Variants in GTF2H3 observed in about 807,000 individuals in gnomAD.
GTF2H3 encodes general transcription factor IIH subunit 3.
A neutral mutation model predicts 51.1 loss-of-function variants in GTF2H3; 42 were observed. That is an observed-to-expected ratio of 0.82 (90% confidence interval 0.64 to 1.06). The LOEUF (loss-of-function observed/expected upper bound fraction) is 1.06, where lower values mean the gene tolerates loss of function less well. GTF2H3 is among the 50% of genes least tolerant of loss of function. The pLI, the probability that GTF2H3 is intolerant of heterozygous loss-of-function variation, is 0.00. For synonymous variants in GTF2H3, 123 were observed against 123.8 expected, an observed-to-expected ratio of 0.99 and a Z score of 0.04; for missense variants, 326 against 366.1, an observed-to-expected ratio of 0.89 and a Z score of 0.89.
chr12:123,636,936 T>A (rs1955293420), intron 1 of GTF2H3, among the ~76,000 whole-genome samples: 1 of 151,540 alleles, frequency 6.6e-6, no homozygotes, highest in African/African-American at 2.4e-5. Context: ...AAAATAATAA[T>A]TAGCTGGATG....
chr12:123,651,807 G>T (rs1273669490), intron 5 of GTF2H3, among the ~76,000 whole-genome samples: 3 of 148,182 alleles, frequency 2.0e-5, no homozygotes, highest in Non-Finnish European at 4.5e-5. Context: ...GCGACAAAGC[G>T]AGACTACATC....
chr12:123,650,921 A>C (rs917795486), intron 4 of GTF2H3, 73 bp from the exon 5 acceptor site: 5 of 930,654 alleles, frequency 5.4e-6, no homozygotes, highest in African/African-American at 4.9e-5. Flanking sequence ...TACTTAGTTC[A>C]ATAAAGCACC....
At chr12:123,638,078 G>T (rs909493122) in intron 1 of GTF2H3, among the ~76,000 whole-genome samples, 3 of 152,028 alleles carry the variant, frequency 2.0e-5, no homozygotes, top group African/African-American at 7.2e-5. Context: ...GCTCACTGTA[G>T]CCTCGACTTC....
In GTF2H3 at chr12:123,660,066, A is replaced by G; in HGVS notation, c.841A>G (p.Ile281Val). ...TACAGTATTCTGCAATTTCAGCCCC[A>G]TTTGTACTACGTGCGAGTAAGTATC... ...CLSIFCNFSPICTTCETAFKI... is the reference protein window; with the variant it reads ...CLSIFCNFSPVCTTCETAFKI... Residue 281 changes from isoleucine (I) to valine (V), a missense_variant, in exon 12 of 13, where the codon ATT (isoleucine) becomes GTT (valine). Physicochemically the swap from Ile to Val is conservative, Grantham distance 29. Coordinates refer to ENST00000543341, the MANE Select transcript of GTF2H3 (RefSeq NM_001516.5). The G allele has an allele frequency of 6.2e-7, 1 of 1,605,524 alleles. No individual in the cohort carries two copies. The highest frequency in any genetic ancestry group is 8.5e-7 in the Non-Finnish European group (1 of 1,178,004).
rs192306689 is a variant in GTF2H3, at chr12:123,641,999, G to A, written c.93+2656G>A. Among the ~76,000 whole-genome samples, 299 of 134,744 alleles carry A rather than the reference G, an allele frequency of 2.2e-3. 1 individual carries two copies. The highest frequency in any genetic ancestry group is 7.6e-3 in the African/African-American group (272 of 35,882). 88.4% of individuals were successfully genotyped at this position (134,744 alleles called of 152,430 possible). A position where few individuals can be genotyped will look rare whatever the true frequency, so the allele number is the denominator to read the frequency against. ...CTCCCGAGTAGCTGGGATCACAGGC[G>A]CGTGCCACCATACCTGGCTAATTTT... On this transcript the variant is annotated intron_variant, in intron 2 of 12. Coordinates refer to ENST00000543341, the MANE Select transcript of GTF2H3 (RefSeq NM_001516.5).
chr12:123,644,374 T>C (rs1271807234), intron 2 of GTF2H3, among the ~76,000 whole-genome samples: 3 of 152,166 alleles, frequency 2.0e-5, no homozygotes, highest in African/African-American at 7.2e-5. Flanking sequence ...TTTCAAACTT[T>C]AAAAGTTTTT....
At position 123,648,113 on chromosome 12, in the gene GTF2H3, T is replaced by G; in HGVS notation, c.351T>G (p.Asp117Glu). ...AAGTTATTGTTGAAGAGATTAAAGA[T>G]CTAATGACCAAAAGTAACAACTTTT... The part of the protein sequence containing the change: ...ANEVIVEEIK[D>E]LMTKSDIKGQ... Residue 117 changes from aspartate to glutamate, a missense_variant, in exon 4 of 13, where the codon GAT becomes GAG. Coordinates refer to ENST00000543341, the MANE Select transcript of GTF2H3 (RefSeq NM_001516.5). 2.5e-6 allele frequency: 4 copies of G among 1,602,360 alleles called. No individual in the cohort carries two copies. The highest frequency in any genetic ancestry group is 3.4e-6 in the Non-Finnish European group (4 of 1,173,468).
At chr12:123,650,894 GC>G (rs1955511440) in intron 4 of GTF2H3, 99 bp from the exon 5 acceptor site, 5 of 717,288 alleles carry the variant, frequency 7.0e-6, no homozygotes, top group Non-Finnish European at 1.3e-5. Context: ...TATGAAGAAT[GC>G]TTTGGTGTGA....
chr12:123,660,025 CT>C lies in GTF2H3; in HGVS notation c.821-10del, dbSNP rs3215246. 63,882 of 880,984 alleles carry C rather than the reference CT, an allele frequency of 0.073. 965 individuals are homozygous for C. The highest frequency in any genetic ancestry group is 0.21 in the African/African-American group (12,546 of 61,024). The allele number at this position is 880,984 out of a possible 1,614,324, so 54.6% of individuals were successfully genotyped here. ...TTGTTTTTCAGCCACCCTATTGTTT[CT>C]TTTTTTTTTTAATTTACAGTATTCT... On this transcript the variant is annotated intron_variant, in intron 11 of 12. Transcript: ENST00000543341.
In GTF2H3 at chr12:123,660,038, A is replaced by G; in HGVS notation, c.821-8A>G. ...ACCCTATTGTTTCTTTTTTTTTTTA[A>G]TTTACAGTATTCTGCAATTTCAGCC... On this transcript the variant is annotated splice_region_variant and splice_polypyrimidine_tract_variant and intron_variant, in intron 11 of 12. Coordinates refer to ENST00000543341, the MANE Select transcript of GTF2H3 (RefSeq NM_001516.5). The G allele has an allele frequency of 5.7e-6, 9 of 1,586,418 alleles. No homozygotes were observed. Among genetic ancestry groups the G allele is most frequent in the Non-Finnish European group, 6.8e-6 (8 of 1,172,494 alleles).
Position 123,654,955 on chromosome 12 carries a change from A to G in GTF2H3, c.518A>G (p.Gln173Arg), listed in dbSNP as rs1955568520. The G allele has an allele frequency of 6.2e-7, 1 of 1,613,528 alleles. No homozygotes were observed. Among genetic ancestry groups the G allele is most frequent in the Non-Finnish European group, 8.5e-7 (1 of 1,179,382 alleles). ...VIKAAEDSALQYMNFMNVIFA... is the reference protein window; with the variant it reads ...VIKAAEDSALRYMNFMNVIFA... ...AAGGCTGCAGAAGACAGTGCGTTGC[A>G]GTATATGAACTTCATGAATGTCATC... The change falls in exon 8 of 13, where the codon CAG becomes CGG. Residue 173 changes from glutamine to arginine, a missense_variant. Transcript: ENST00000543341.
At chr12:123,651,368 C>T (rs1487850456) in intron 5 of GTF2H3, among the ~76,000 whole-genome samples, 2 of 152,022 alleles carry the variant, frequency 1.3e-5, no homozygotes, top group African/African-American at 2.4e-5. Context: ...CCATCACTCC[C>T]GGCTAATTTT....
At chr12:123,647,450 C>T (rs146467055) in intron 3 of GTF2H3, among the ~76,000 whole-genome samples, 9,748 of 151,384 alleles carry the variant, frequency 0.064, 1,028 homozygotes, top group African/African-American at 0.22. Flanking sequence ...CCAGCCTGGG[C>T]GACACAGCGA....
At chr12:123,641,538 TGTGTG>T (rs143829406) in intron 2 of GTF2H3, among the ~76,000 whole-genome samples, 37 of 139,340 alleles carry the variant, frequency 2.7e-4, no homozygotes, top group African/African-American at 5.5e-4. Context: ...TTTTTTTTTT[TGTGTG>T]TTTTTTTTTT....
chr12:123,646,375 C>T (rs1955447428), intron 3 of GTF2H3, among the ~76,000 whole-genome samples: 1 of 151,836 alleles, frequency 6.6e-6, no homozygotes, highest in Admixed American at 6.6e-5. Context: ...GGACCTCCTG[C>T]CTCAGTCTCC....
intron 1 of GTF2H3, among the ~76,000 whole-genome samples, chr12:123,636,504 G>A (rs962512832): frequency 2.0e-5 from 3 of 149,200 alleles, no homozygotes; most frequent in Admixed American, 7.2e-5. Context: ...AGCCGGGCAC[G>A]GCGGCACATG....
intron 7 of GTF2H3, among the ~76,000 whole-genome samples, chr12:123,653,512 TGTC>T (rs1277562634): frequency 6.6e-6 from 1 of 151,456 alleles, no homozygotes; most frequent in Non-Finnish European, 1.5e-5. Flanking sequence ...ATACAAAAAA[TGTC>T]GTGGGCGCCT....
intron 9 of GTF2H3, 162 bp downstream of exon 9, chr12:123,655,986 G>A: frequency 2.0e-6 from 1 of 500,324 alleles, no homozygotes; most frequent in Non-Finnish European, 3.6e-6. Context: ...GGAGCTACTG[G>A]AAAATTTTAA....
At chr12:123,641,663 C>T (rs1394405415) in intron 2 of GTF2H3, among the ~76,000 whole-genome samples, 2 of 151,752 alleles carry the variant, frequency 1.3e-5, no homozygotes, top group Non-Finnish European at 2.9e-5. Flanking sequence ...AGTGTACTCA[C>T]ATTTAATATA....
Sources: allele counts gnomAD v4.1 joint callset (sites outside exome capture counted in the v4.1 genomes callset), GRCh38; gene constraint gnomAD v4.1.1; transcripts MANE v1.5; gene names NCBI Gene and HGNC (gene_info 2026-07-23, HGNC 2026-07-21).